Variants in ACKR4 observed in about 807,000 individuals in gnomAD.
The protein encoded by ACKR4 is C-C CKR-11.
ACKR4 carries 2 observed loss-of-function variants against 8.5 expected under a neutral mutation model. The ratio of observed to expected loss-of-function variants is 0.23; its 90% CI spans 0.10 to 0.74. The LOEUF (loss-of-function observed/expected upper bound fraction) is 0.74. Ranked by LOEUF, ACKR4 falls within the 30% of genes least tolerant of loss-of-function variation. The probability of loss-of-function intolerance (pLI) is 0.75; values close to 1 mark genes in which losing one functional copy is unlikely to be tolerated. For missense variants in ACKR4, 167 were observed against 422.1 expected, an observed-to-expected ratio of 0.40 and a Z score of 5.30; for synonymous variants, 67 against 145.0, an observed-to-expected ratio of 0.46 and a Z score of 3.86.
chr3:132,600,053 A>G (rs3804636), intron 1 of ACKR4, among the ~76,000 whole-genome samples: 14,135 of 152,248 alleles, frequency 0.093, 819 homozygotes, highest in South Asian at 0.14. Flanking sequence ...AATCTAATTA[A>G]ATTTTCATAT....
intron 1 of ACKR4, among the ~76,000 whole-genome samples, chr3:132,597,936 A>G (rs1378837391): frequency 6.6e-6 from 1 of 152,158 alleles, no homozygotes; most frequent in Non-Finnish European, 1.5e-5. Flanking sequence ...TTAATGATAA[A>G]AAGAGTCATT....
chr3:132,600,055 T>G (rs1212984479), intron 1 of ACKR4, among the ~76,000 whole-genome samples: 1 of 152,198 alleles, frequency 6.6e-6, no homozygotes, highest in Non-Finnish European at 1.5e-5. Flanking sequence ...TCTAATTAAA[T>G]TTTCATATTT....
intron 1 of ACKR4, among the ~76,000 whole-genome samples, chr3:132,599,573 T>C (rs1938476899): frequency 6.6e-6 from 1 of 152,004 alleles, no homozygotes. Flanking sequence ...AGAAACATAA[T>C]AGCTGAATTG....
Position 132,602,569 on chromosome 3 carries a change from T to C in ACKR4, c.*1119T>C, listed in dbSNP as rs1290613757. ...ACAGCTTATCTTTTTTAAAAAAATT[T>C]GCTGTAAATTATTATAATCCATGTA... On this transcript the variant is annotated 3_prime_UTR_variant, in exon 2 of 2. Coordinates refer to ENST00000249887, the MANE Select transcript of ACKR4 (RefSeq NM_016557.4). Among the ~76,000 whole-genome samples, 1 of 152,202 alleles carries C rather than the reference T, an allele frequency of 6.6e-6. No individual in the cohort carries two copies. The highest frequency in any genetic ancestry group is 1.5e-5 in the Non-Finnish European group (1 of 68,036).
intron 1 of ACKR4, among the ~76,000 whole-genome samples, chr3:132,597,970 T>C (rs1201713824): frequency 4.6e-5 from 7 of 152,206 alleles, no homozygotes; most frequent in Non-Finnish European, 8.8e-5. Flanking sequence ...ACCCGGTTTT[T>C]ACATAATGAA....
intron 1 of ACKR4, among the ~76,000 whole-genome samples, chr3:132,598,757 C>T (rs1938426284): frequency 6.6e-6 from 1 of 152,202 alleles, no homozygotes; most frequent in Non-Finnish European, 1.5e-5. Flanking sequence ...GAAATTAGTC[C>T]TATCACTGTC....
chr3:132,597,735 A>G (rs1157358909), intron 1 of ACKR4, among the ~76,000 whole-genome samples: 1 of 152,060 alleles, frequency 6.6e-6, no homozygotes, highest in Non-Finnish European at 1.5e-5. Context: ...CATTTTTAGT[A>G]AGATTAATTC....
chr3:132,597,817 T>C (rs1938380988), intron 1 of ACKR4, among the ~76,000 whole-genome samples: 1 of 152,140 alleles, frequency 6.6e-6, no homozygotes, highest in South Asian at 2.1e-4. Context: ...AGGTTCAAGA[T>C]TTTCTGATGA....
At chr3:132,600,330 CTG>C in intron 1 of ACKR4, 57 bp from the exon 2 acceptor site, 2 of 1,384,674 alleles carry the variant, frequency 1.4e-6, no homozygotes, top group East Asian at 2.5e-5. Flanking sequence ...TTGATAAAAA[CTG>C]TTTCCTTTTA....
chr3:132,600,600 A>G lies in ACKR4; in HGVS notation c.203A>G (p.Tyr68Cys), dbSNP rs757683408. 36 of 1,613,782 alleles carry G rather than the reference A, an allele frequency of 2.2e-5. No homozygotes were observed. The highest frequency in any genetic ancestry group is 2.2e-5 in the East Asian group (1 of 44,878). ...TCCATGGTAGTGGCAATTTATGCCT[A>G]TTACAAGAAACAGAGAACCAAAACA... ...GNSMVVAIYA[Y>C]YKKQRTKTDV... Residue 68 changes from tyrosine (Y) to cysteine (C), a missense_variant, in exon 2 of 2, where the codon TAT (tyrosine) becomes TGT (cysteine). Coordinates refer to ENST00000249887, the MANE Select transcript of ACKR4 (RefSeq NM_016557.4).
In ACKR4 at chr3:132,600,673, C is replaced by T. The variant is rs1215573514; in HGVS notation, c.276C>T (p.Phe92=). Residue 92 remains phenylalanine, a synonymous_variant, in exon 2 of 2, where the codon TTC becomes TTT. Coordinates refer to ENST00000249887, the MANE Select transcript of ACKR4 (RefSeq NM_016557.4). ...NLAVADLLLL[F]TLPFWAVNAV... ...CTGTAGCAGATTTACTCCTTCTATT[C>T]ACTCTGCCTTTTTGGGCTGTTAATG... 2 of 1,613,620 alleles carry T rather than the reference C, an allele frequency of 1.2e-6. No homozygotes were observed. The highest frequency in any genetic ancestry group is 1.3e-5 in the African/African-American group (1 of 74,908).
intron 1 of ACKR4, among the ~76,000 whole-genome samples, chr3:132,597,764 C>T (rs900664004): frequency 6.6e-6 from 1 of 151,934 alleles, no homozygotes; most frequent in African/African-American, 2.4e-5. Context: ...AAATTCCCTT[C>T]CTTAATATAT....
intron 1 of ACKR4, 138 bp from the exon 2 acceptor site, chr3:132,600,251 A>G (rs1178276480): frequency 1.4e-6 from 1 of 713,442 alleles, no homozygotes; most frequent in East Asian, 2.8e-5. Context: ...AAGCATTTCA[A>G]AGAGTGCTAG....
Position 132,602,633 on chromosome 3 carries a change from A to G in ACKR4, c.*1183A>G, listed in dbSNP as rs1448150005. ...AAAATTAAATTTTGCTAGCAATTAC[A>G]TTGGTCAAAAATAGTATGCACTAAT... is the stretch of plus-strand genomic sequence containing the variant. On this transcript the variant is annotated 3_prime_UTR_variant, in exon 2 of 2. Transcript: ENST00000249887. 6.6e-6 allele frequency among the ~76,000 whole-genome samples: 1 copy of G among 152,324 alleles called. No homozygotes were observed. Among genetic ancestry groups the G allele is most frequent in the South Asian group, 2.1e-4 (1 of 4,830 alleles).
rs1245061566 is a variant in ACKR4 at position 132,600,478 on chromosome 3, T to C, written c.81T>C (p.Tyr27=). The change falls in exon 2 of 2, where the codon TAT becomes TAC. Residue 27 remains tyrosine (Y), a synonymous_variant. Transcript: ENST00000249887. ...EMNGTYDYSQ[Y]ELICIKEDVR... is the part of the protein sequence containing the mutation. Reference sequence around the variant, plus strand: ...ATGGCACTTATGACTACAGTCAATATGAACTGATCTGTATCAAAGAAGATG... The same window carrying C: ...ATGGCACTTATGACTACAGTCAATACGAACTGATCTGTATCAAAGAAGATG... 2 of 1,613,826 alleles carry C rather than the reference T, an allele frequency of 1.2e-6. No individual in the cohort carries two copies. Among genetic ancestry groups the C allele is most frequent in the Non-Finnish European group, 1.7e-6 (2 of 1,179,820 alleles).
rs756054036 is a variant in ACKR4 at position 132,601,102 on chromosome 3, A to G, written c.705A>G (p.Ile235Met). The change falls in exon 2 of 2, where the codon ATA (isoleucine) becomes ATG (methionine). Residue 235 changes from isoleucine to methionine, a missense_variant. Coordinates refer to ENST00000249887, the MANE Select transcript of ACKR4 (RefSeq NM_016557.4). Reference sequence around the variant, plus strand: ...TCATGAAGATGCCAAACATTAAAATATCTCGACCCCTAAAAGTTCTGCTCA... The same window carrying G: ...TCATGAAGATGCCAAACATTAAAATGTCTCGACCCCTAAAAGTTCTGCTCA... ...RTLMKMPNIK[I>M]SRPLKVLLTV... 188 of 1,613,730 alleles carry G rather than the reference A, an allele frequency of 1.2e-4. No homozygotes were observed. The highest frequency in any genetic ancestry group is 1.5e-4 in the Non-Finnish European group (174 of 1,179,848).
chr3:132,600,320 T>G, intron 1 of ACKR4, 69 bp from the exon 2 acceptor site: 1 of 1,327,864 alleles, frequency 7.5e-7, no homozygotes, highest in Non-Finnish European at 1.0e-6. Flanking sequence ...ACAAAACAGC[T>G]TGATAAAAAC....
Position 132,601,891 on chromosome 3 carries a change from C to T in ACKR4, c.*441C>T. The T allele has an allele frequency of 3.8e-6, 1 of 265,628 alleles. No homozygotes were observed. The highest frequency in any genetic ancestry group is 4.5e-5 in the South Asian group (1 of 22,274). The allele number at this position is 265,628 out of a possible 1,614,324, so 16.5% of individuals were successfully genotyped here. On this transcript the variant is annotated 3_prime_UTR_variant, in exon 2 of 2. Coordinates refer to ENST00000249887, the MANE Select transcript of ACKR4 (RefSeq NM_016557.4). Reference sequence around the variant, plus strand: ...TTGGGGAAAACTGGGTGAAGGGTACCCAGGACCACTCTGTACCATCTTTGT... The same window carrying T: ...TTGGGGAAAACTGGGTGAAGGGTACTCAGGACCACTCTGTACCATCTTTGT...
rs200765869 is a variant in ACKR4 at position 132,600,496 on chromosome 3, A to G, written c.99A>G (p.Lys33=). The part of the protein sequence containing the change: ...DYSQYELICI[K]EDVREFAKVF... ...GTCAATATGAACTGATCTGTATCAA[A>G]GAAGATGTCAGAGAATTTGCAAAAG... The change falls in exon 2 of 2, where the codon AAA becomes AAG. Residue 33 remains lysine (K), a synonymous_variant. Transcript: ENST00000249887. 232 of 1,613,910 alleles carry G rather than the reference A, an allele frequency of 1.4e-4. No homozygotes were observed. The Admixed American group carries it at 3.8e-3, about 26-fold the overall frequency.
Sources: gnomAD v4.1 joint callset for allele counts (sites outside exome capture counted in the v4.1 genomes callset) on GRCh38, gnomAD v4.1.1 for gene constraint, MANE v1.5 for transcripts, NCBI Gene and HGNC (gene_info 2026-07-23, HGNC 2026-07-21) for gene names.